Variants in ARMC8 observed in about 807,000 individuals in gnomAD.
The protein encoded by ARMC8 is armadillo repeat-containing protein 8.
ARMC8 carries 20 observed loss-of-function variants against 99.3 expected under a neutral mutation model. The ratio of observed to expected loss-of-function variants is 0.20; its 90% CI spans 0.14 to 0.29. The LOEUF is 0.29. ARMC8 is among the 10% of genes least tolerant of loss of function. The pLI, the probability that ARMC8 is intolerant of heterozygous loss-of-function variation, is 1.00. For missense variants in ARMC8, 569 were observed against 809.5 expected (o/e 0.70, Z 3.60); for synonymous variants, 263 against 278.3 (o/e 0.95, Z 0.55).
chr3:138,191,762 T>G (rs1363226010), intron 1 of ARMC8, among the ~76,000 whole-genome samples: 2 of 152,216 alleles, frequency 1.3e-5, no homozygotes, highest in Non-Finnish European at 2.9e-5. Context: ...ATACAGTATG[T>G]GACTTTTTGA....
intron 12 of ARMC8, among the ~76,000 whole-genome samples, chr3:138,254,829 A>T (rs1030959613): frequency 4.6e-5 from 7 of 152,246 alleles, no homozygotes; most frequent in African/African-American, 1.7e-4. Flanking sequence ...AACATTTAAC[A>T]TAAACGACTT....
intron 20 of ARMC8, among the ~76,000 whole-genome samples, chr3:138,289,851 A>T (rs1015960040): frequency 6.6e-6 from 1 of 152,124 alleles, no homozygotes; most frequent in Non-Finnish European, 1.5e-5. Flanking sequence ...TGATTCACTG[A>T]GTCTAGAGAG....
At chr3:138,256,315 C>T (rs2047397419) in intron 12 of ARMC8, among the ~76,000 whole-genome samples, 1 of 151,854 alleles carries the variant, frequency 6.6e-6, no homozygotes, top group Non-Finnish European at 1.5e-5. Flanking sequence ...CTGAGCTTTG[C>T]CATTTGTACC....
At chr3:138,219,513 A>G (rs1181513296) in intron 2 of ARMC8, among the ~76,000 whole-genome samples, 1 of 152,202 alleles carries the variant, frequency 6.6e-6, no homozygotes, top group Non-Finnish European at 1.5e-5. Context: ...TGACGGAGAA[A>G]GAATAACTAC....
At chr3:138,268,842 A>G (rs551745707) in intron 15 of ARMC8, among the ~76,000 whole-genome samples, 6 of 152,046 alleles carry the variant, frequency 3.9e-5, no homozygotes, top group African/African-American at 1.4e-4. Flanking sequence ...CTATAAGAGC[A>G]TTTTTTTTGT....
chr3:138,188,392 T>TTAA lies in ARMC8; in HGVS notation c.45+793_45+794insTAA, dbSNP rs1553745519. 2.6e-5 allele frequency: 38 copies of TTAA among 1,439,916 alleles called. No individual in the cohort carries two copies. The African/African-American group carries it at 3.9e-4, about 15-fold the overall frequency. 89.2% of individuals were successfully genotyped at this position (1,439,916 alleles called of 1,614,324 possible). On this transcript the variant is annotated intron_variant, in intron 1 of 21. Coordinates refer to ENST00000469044, the MANE Select transcript of ARMC8 (RefSeq NM_001363941.2). ...AAGTAAAACCTGTTTTTTTTTTTTT[T>TTAA]AAAAAAAGTTTTTTTAAAGAAAAAG...
At chr3:138,255,230 T>G (rs2047331579) in intron 12 of ARMC8, among the ~76,000 whole-genome samples, 1 of 138,210 alleles carries the variant, frequency 7.2e-6, no homozygotes. Flanking sequence ...TGAGATGGAG[T>G]CTCGCTCTGT....
chr3:138,191,089 G>A (rs781579367), intron 1 of ARMC8, among the ~76,000 whole-genome samples: 1 of 152,194 alleles, frequency 6.6e-6, no homozygotes, highest in Non-Finnish European at 1.5e-5. Context: ...AACTGCTTTT[G>A]CAGAGGTCTT....
In ARMC8 at chr3:138,216,843, G is replaced by A. The variant is rs146765068; in HGVS notation, c.123-5083G>A. On this transcript the variant is annotated intron_variant, in intron 2 of 21. Transcript: ENST00000469044. ...TATTCCAAATATGAAGCAGAAAAGA[G>A]CTGCTTCAGGTACGTGAAATACTGG... Among the ~76,000 whole-genome samples the A allele has an allele frequency of 1.9e-3, 286 of 152,240 alleles. 1 individual carries two copies. Among genetic ancestry groups the A allele is most frequent in the African/African-American group, 6.7e-3 (277 of 41,528 alleles).
chr3:138,266,046 T>TA (rs1343334217), intron 14 of ARMC8, among the ~76,000 whole-genome samples: 2 of 152,210 alleles, frequency 1.3e-5, no homozygotes, highest in African/African-American at 4.8e-5. Context: ...AATATGGTCT[T>TA]ATGAGGCCTA....
intron 19 of ARMC8, 98 bp from the exon 20 acceptor site, chr3:138,288,950 T>G: frequency 1.0e-6 from 1 of 967,020 alleles, no homozygotes; most frequent in South Asian, 1.5e-5. Context: ...CTTCAGACTT[T>G]TAGGTTATAG....
chr3:138,270,709 T>A (rs1365860446), intron 16 of ARMC8, among the ~76,000 whole-genome samples: 1 of 152,206 alleles, frequency 6.6e-6, no homozygotes, highest in Non-Finnish European at 1.5e-5. Flanking sequence ...AATGATTAAC[T>A]TGTCGAAGGT....
intron 6 of ARMC8, among the ~76,000 whole-genome samples, chr3:138,233,781 G>A (rs1443916380): frequency 6.6e-6 from 1 of 152,158 alleles, no homozygotes; most frequent in African/African-American, 2.4e-5. Flanking sequence ...AGCACTTGCT[G>A]GACCAATAAC....
chr3:138,195,401 A>T (rs1462555713), intron 1 of ARMC8, among the ~76,000 whole-genome samples: 1 of 152,100 alleles, frequency 6.6e-6, no homozygotes, highest in Non-Finnish European at 1.5e-5. Context: ...TGCTCATTGT[A>T]TGTTTCTGGA....
chr3:138,263,477 A>AT (rs1223487253), intron 12 of ARMC8: 9 of 471,670 alleles, frequency 1.9e-5, no homozygotes, highest in Non-Finnish European at 3.5e-5. Flanking sequence ...ATACCATTTA[A>AT]TTTTTGTGTT....
At chr3:138,245,255 G>C in intron 12 of ARMC8, 72 bp downstream of exon 12, 1 of 1,614,088 alleles carries the variant, frequency 6.2e-7, no homozygotes, top group Non-Finnish European at 8.5e-7. Flanking sequence ...CCTGAAAGTC[G>C]TGGTGAAGAG....
At chr3:138,245,816 A>G (rs1396811325) in intron 12 of ARMC8, 1 of 985,910 alleles carries the variant, frequency 1.0e-6, no homozygotes, top group Non-Finnish European at 1.2e-6. Context: ...CTTCTAGATG[A>G]GGAGTATAGT....
intron 18 of ARMC8, among the ~76,000 whole-genome samples, chr3:138,277,440 A>G (rs1389104716): frequency 1.3e-5 from 2 of 152,220 alleles, no homozygotes; most frequent in Non-Finnish European, 2.9e-5. Context: ...CGTGAAATGC[A>G]CTGTTAAGAG....
At chr3:138,288,628 C>T (rs1391300576) in intron 19 of ARMC8, among the ~76,000 whole-genome samples, 1 of 146,036 alleles carries the variant, frequency 6.8e-6, no homozygotes, top group African/African-American at 2.5e-5. Flanking sequence ...GAGGACTCTT[C>T]TTCAGACTTT....
Sources: allele counts gnomAD v4.1 joint callset (sites outside exome capture counted in the v4.1 genomes callset), GRCh38; gene constraint gnomAD v4.1.1; transcripts MANE v1.5; gene names NCBI Gene and HGNC (gene_info 2026-07-23, HGNC 2026-07-21).